ANXA4: variants seen among roughly 807,000 people sequenced by gnomAD.
The protein encoded by ANXA4 is annexin A4.
A neutral mutation model predicts 49.8 loss-of-function variants in ANXA4; 39 were observed. The observed-to-expected ratio is 0.78, with a 90% CI of 0.61 to 1.02. The LOEUF is 1.02. ANXA4 is among the 50% of genes least tolerant of loss of function. The pLI, the probability that ANXA4 is intolerant of heterozygous loss-of-function variation, is 0.00. For synonymous variants in ANXA4, 134 were observed against 152.5 expected, an observed-to-expected ratio of 0.88 and a Z score of 0.89; for missense variants, 360 against 410.1, an observed-to-expected ratio of 0.88 and a Z score of 1.05.
chr2:69,781,627 G>C, intron 2 of ANXA4, 53 bp downstream of exon 2: 1 of 1,605,104 alleles, frequency 6.2e-7, no homozygotes, highest in Non-Finnish European at 8.5e-7. Flanking sequence ...AACAGGTACA[G>C]AATGTGGGCT....
At chr2:69,804,121 G>A (rs1243999171) in intron 3 of ANXA4, among the ~76,000 whole-genome samples, 1 of 132,816 alleles carries the variant, frequency 7.5e-6, no homozygotes, top group Non-Finnish European at 1.5e-5. Context: ...CTGGGTGACA[G>A]AGTGAGACTT....
intron 1 of ANXA4, among the ~76,000 whole-genome samples, chr2:69,774,339 CCTTT>C (rs1671877311): frequency 1.4e-5 from 1 of 70,110 alleles, no homozygotes; most frequent in Non-Finnish European, 2.7e-5. Context: ...CCCCCCCCCC[CCTTT>C]TTTTTTTTTT....
chr2:69,742,979 C>T (rs1670461964), intron 1 of ANXA4, among the ~76,000 whole-genome samples: 1 of 152,130 alleles, frequency 6.6e-6, no homozygotes, highest in South Asian at 2.1e-4. Context: ...ACCCCACCAC[C>T]CCCTTCCACT....
chr2:69,806,459 G>T lies in ANXA4; in HGVS notation c.267G>T (p.Thr89=). Residue 89 remains threonine (T), a synonymous_variant, in exon 5 of 13, where the codon ACG becomes ACT. Transcript: ENST00000394295. ...TGATTGTGGGGATGATGACGCCCAC[G>T]GTGCTGTATGACGTGCAAGAGCTGC... ...EQVIVGMMTP[T]VLYDVQELRR... 2 of 1,614,092 alleles carry T rather than the reference G, an allele frequency of 1.2e-6. No homozygotes were observed. The highest frequency in any genetic ancestry group is 1.7e-6 in the Non-Finnish European group (2 of 1,179,974).
chr2:69,813,015 T>G, intron 8 of ANXA4, among the ~76,000 whole-genome samples: 1 of 151,950 alleles, frequency 6.6e-6, no homozygotes, highest in East Asian at 1.9e-4. Flanking sequence ...CTGTGCACTT[T>G]TACTTCATCA....
intron 6 of ANXA4, 70 bp downstream of exon 6, chr2:69,808,066 G>A: frequency 6.9e-7 from 1 of 1,448,534 alleles, no homozygotes; most frequent in Non-Finnish European, 9.7e-7. Context: ...GCAGCGGGTT[G>A]TTGTTTGCTG....
chr2:69,780,225 C>T (rs2312551), intron 1 of ANXA4, among the ~76,000 whole-genome samples: 28,872 of 152,102 alleles, frequency 0.19, 3,166 homozygotes, highest in East Asian at 0.34. Context: ...GACAGTGTCT[C>T]ACTCTGTCAC....
chr2:69,748,505 A>C (rs1292527346), intron 1 of ANXA4, among the ~76,000 whole-genome samples: 2 of 150,568 alleles, frequency 1.3e-5, no homozygotes, highest in African/African-American at 4.9e-5. Context: ...TTAATTATAA[A>C]ATTATAACTA....
chr2:69,702,417 C>T (rs1303930406), intron 2 of ANXA4, among the ~76,000 whole-genome samples: 1 of 152,052 alleles, frequency 6.6e-6, no homozygotes, highest in East Asian at 1.9e-4. Flanking sequence ...GTTTAATCTC[C>T]ACCACACCTC....
intron 1 of ANXA4, among the ~76,000 whole-genome samples, chr2:69,762,247 C>T (rs965629872): frequency 5.3e-5 from 8 of 152,104 alleles, no homozygotes; most frequent in African/African-American, 1.7e-4. Context: ...AGGAGCCAGG[C>T]GAGGTGGCTC....
intron 1 of ANXA4, among the ~76,000 whole-genome samples, chr2:69,754,236 G>A (rs1670962438): frequency 6.6e-6 from 1 of 151,998 alleles, no homozygotes; most frequent in Non-Finnish European, 1.5e-5. Flanking sequence ...ACTTATCCCC[G>A]TTCCCATTTC....
chr2:69,740,352 A>G (rs1241231258), upstream of ANXA4, among the ~76,000 whole-genome samples: 1 of 152,114 alleles, frequency 6.6e-6, no homozygotes, highest in Non-Finnish European at 1.5e-5. Context: ...TGTTGCTTGT[A>G]AGGGATGCAG....
chr2:69,783,739 G>A (rs184655295), intron 2 of ANXA4, among the ~76,000 whole-genome samples: 1 of 152,162 alleles, frequency 6.6e-6, no homozygotes, highest in Non-Finnish European at 1.5e-5. Flanking sequence ...GCTCCTCCAT[G>A]CCCGTTTCAT....
At chr2:69,719,212 G>T (rs1253662814) in intron 2 of ANXA4, among the ~76,000 whole-genome samples, 1 of 143,112 alleles carries the variant, frequency 7.0e-6, no homozygotes, top group Non-Finnish European at 1.5e-5. Context: ...TCCTGACCTT[G>T]CCACACCCCC....
rs59230779 is a variant in ANXA4 at position 69,805,604 on chromosome 2, TA to T, written c.193-765del. 6.4e-3 allele frequency among the ~76,000 whole-genome samples: 813 copies of T among 126,238 alleles called. 1 individual carries two copies. Among genetic ancestry groups the T allele is most frequent in the Middle Eastern group, 8.7e-3 (2 of 230 alleles). 82.8% of individuals were successfully genotyped at this position (126,238 alleles called of 152,430 possible). On this transcript the variant is annotated intron_variant, in intron 4 of 12. Transcript: ENST00000394295. ...CTAGGCAACAGAGCAAGACTCCATC[TA>T]AAAAAAAAAAAAAAAGAAATTATGT...
chr2:69,656,253 A>G (rs1234427169), intron 2 of ANXA4, among the ~76,000 whole-genome samples: 1 of 137,206 alleles, frequency 7.3e-6, no homozygotes, highest in African/African-American at 2.7e-5. Flanking sequence ...ATATATATGT[A>G]TATACGTATA....
chr2:69,741,155 AT>A (rs1277655376), upstream of ANXA4, among the ~76,000 whole-genome samples: 1 of 152,202 alleles, frequency 6.6e-6, no homozygotes, highest in Non-Finnish European at 1.5e-5. Context: ...TAAGGGTGCC[AT>A]TAACCACTTA....
In ANXA4 at chr2:69,804,564, T is replaced by G. The variant is rs749471864; in HGVS notation, c.129T>G (p.Leu43=). The G allele has an allele frequency of 1.9e-6, 3 of 1,613,986 alleles. No individual in the cohort carries two copies. Among genetic ancestry groups the G allele is most frequent in the Non-Finnish European group, 2.5e-6 (3 of 1,179,962 alleles). Reference sequence around the variant, plus strand: ...ATGAAGACGCCATTATTAGCGTCCTTGCCTACCGCAACACCGCCCAGCGCC... The same window carrying G: ...ATGAAGACGCCATTATTAGCGTCCTGGCCTACCGCAACACCGCCCAGCGCC... ...GTDEDAIISV[L]AYRNTAQRQE... Residue 43 remains leucine, a synonymous_variant, in exon 4 of 13, where the codon CTT becomes CTG. Transcript: ENST00000394295.
chr2:69,786,653 T>C (rs1370400247), intron 2 of ANXA4, among the ~76,000 whole-genome samples: 1 of 152,220 alleles, frequency 6.6e-6, no homozygotes, highest in Non-Finnish European at 1.5e-5. Context: ...TATACAAAAG[T>C]AAACAGAATA....
Sources: allele counts gnomAD v4.1 joint callset (sites outside exome capture counted in the v4.1 genomes callset), GRCh38; gene constraint gnomAD v4.1.1; transcripts MANE v1.5; gene names NCBI Gene and HGNC (gene_info 2026-07-23, HGNC 2026-07-21).